DYM: variants seen among roughly 807,000 people sequenced by gnomAD.
DYM encodes dymeclin.
A neutral mutation model predicts 93.1 loss-of-function variants in DYM; 78 were observed. The observed-to-expected ratio is 0.84, with a 90% CI of 0.70 to 1.01. The LOEUF is 1.01. Among genes scored for constraint, DYM ranks in the 50% least tolerant of loss-of-function variants. The pLI is 0.00. For synonymous variants in DYM, 321 were observed against 319.7 expected (o/e 1.00, Z -0.04); for missense variants, 789 against 845.0 (o/e 0.93, Z 0.82).
chr18:49,074,335 G>C (rs1373165990), intron 17 of DYM, among the ~76,000 whole-genome samples: 1 of 152,156 alleles, frequency 6.6e-6, no homozygotes. Flanking sequence ...GTAATCTAGA[G>C]ATGATTTAAA....
Position 49,289,792 on chromosome 18 carries a change from CACAT to C in DYM, c.764-3180_764-3177del, listed in dbSNP as rs1329021840. 2.6e-3 allele frequency among the ~76,000 whole-genome samples: 168 copies of C among 64,810 alleles called. 2 individuals are homozygous for C. The highest frequency in any genetic ancestry group is 9.2e-3 in the African/African-American group (159 of 17,330). The allele number at this position is 64,810 out of a possible 152,430, so 42.5% of individuals were successfully genotyped here. The stretch of plus-strand genomic sequence containing the variant: ...ATATATACACATATATATATATACA[CACAT>C]ATATATATATATACACATATATATT... On this transcript the variant is annotated intron_variant, in intron 8 of 17. Coordinates refer to ENST00000675505, the MANE Select transcript of DYM (RefSeq NM_001353214.3).
chr18:49,125,347 G>C (rs1285716313), intron 15 of DYM, among the ~76,000 whole-genome samples: 1 of 152,102 alleles, frequency 6.6e-6, no homozygotes, highest in African/African-American at 2.4e-5. Context: ...TTATACCCAG[G>C]CGTGAAATTC....
At chr18:49,318,630 AAG>A (rs905503173) in intron 8 of DYM, among the ~76,000 whole-genome samples, 14 of 150,728 alleles carry the variant, frequency 9.3e-5, no homozygotes, top group Non-Finnish European at 7.4e-5. Flanking sequence ...CCCCACAAAA[AAG>A]AGAGAGAGAG....
intron 11 of DYM, among the ~76,000 whole-genome samples, chr18:49,269,012 AAGC>A (rs1178120155): frequency 6.6e-6 from 1 of 152,180 alleles, no homozygotes; most frequent in Non-Finnish European, 1.5e-5. Context: ...CAAAATGAAA[AAGC>A]AGCCTCTGAA....
chr18:49,131,547 C>G (rs1396777239), intron 15 of DYM, among the ~76,000 whole-genome samples: 1 of 152,092 alleles, frequency 6.6e-6, no homozygotes, highest in Non-Finnish European at 1.5e-5. Context: ...TATAAGAGCA[C>G]CACCCCTACT....
intron 2 of DYM, among the ~76,000 whole-genome samples, chr18:49,422,896 G>A (rs1398205837): frequency 7.2e-5 from 11 of 152,118 alleles, no homozygotes; most frequent in African/African-American, 2.7e-4. Context: ...GATTCATAAA[G>A]CAAGTCCTTA....
intron 13 of DYM, among the ~76,000 whole-genome samples, chr18:49,248,097 A>G (rs2094208589): frequency 6.6e-6 from 1 of 152,228 alleles, no homozygotes. Flanking sequence ...AGCTAATTCT[A>G]TCTTTTAAAA....
intron 6 of DYM, among the ~76,000 whole-genome samples, chr18:49,345,831 A>G (rs967161409): frequency 6.6e-6 from 1 of 152,236 alleles, no homozygotes; most frequent in South Asian, 2.1e-4. Flanking sequence ...ATTCTAACAC[A>G]GAAAGGGTTT....
chr18:49,460,258 G>A (rs910501829), intron 1 of DYM, 140 bp downstream of exon 1: 2 of 152,212 alleles, frequency 1.3e-5, no homozygotes, highest in East Asian at 3.9e-4. Context: ...CCGCGGGCAG[G>A]GAAGGGAGGG....
intron 6 of DYM, among the ~76,000 whole-genome samples, chr18:49,351,302 T>C (rs766688224): frequency 1.3e-5 from 2 of 151,354 alleles, no homozygotes; most frequent in Non-Finnish European, 2.9e-5. Flanking sequence ...ACCCGGGAGG[T>C]GGAGGTTGCA....
intron 17 of DYM, among the ~76,000 whole-genome samples, chr18:49,057,173 G>A (rs1461593589): frequency 1.3e-5 from 2 of 152,000 alleles, no homozygotes; most frequent in Non-Finnish European, 2.9e-5. Flanking sequence ...TTTTTTTTTG[G>A]TAATTTTCTT....
intron 8 of DYM, among the ~76,000 whole-genome samples, chr18:49,312,322 T>G (rs1177813042): frequency 6.6e-6 from 1 of 152,232 alleles, no homozygotes; most frequent in Admixed American, 6.5e-5. Context: ...CTTGTCTTCC[T>G]GTTTGGCGTG....
At chr18:49,045,009 C>T (rs148646932) in intron 17 of DYM, among the ~76,000 whole-genome samples, 1 of 152,370 alleles carries the variant, frequency 6.6e-6, no homozygotes, top group East Asian at 1.9e-4. Context: ...CTATTTATTC[C>T]AGCCAGGGCA....
chr18:49,310,144 G>A (rs918104436), intron 8 of DYM, among the ~76,000 whole-genome samples: 1 of 152,172 alleles, frequency 6.6e-6, no homozygotes. Context: ...CACGTCAAGT[G>A]ATTAAAAAGA....
At chr18:49,243,192 T>A (rs2094074647) in intron 13 of DYM, among the ~76,000 whole-genome samples, 1 of 152,124 alleles carries the variant, frequency 6.6e-6, no homozygotes, top group Admixed American at 6.6e-5. Context: ...GGGTCCCACT[T>A]TCATCACAGT....
chr18:49,251,942 A>G (rs1171821665), intron 13 of DYM, among the ~76,000 whole-genome samples: 8 of 152,060 alleles, frequency 5.3e-5, no homozygotes, highest in Non-Finnish European at 7.4e-5. Context: ...AGGCTTGCAC[A>G]GTGGCTCACA....
chr18:49,091,445 C>T (rs2079042656), intron 17 of DYM, among the ~76,000 whole-genome samples: 1 of 152,170 alleles, frequency 6.6e-6, no homozygotes, highest in Admixed American at 6.5e-5. Context: ...GAAGGACATG[C>T]AGGAATGAGG....
chr18:49,107,974 C>T (rs1035844460), intron 16 of DYM, among the ~76,000 whole-genome samples: 1 of 152,236 alleles, frequency 6.6e-6, no homozygotes, highest in African/African-American at 2.4e-5. Flanking sequence ...ATTCTGCTGC[C>T]TTTTGTTTGG....
At chr18:49,355,103 AAATTAAACAT>A (rs951679778) in intron 6 of DYM, among the ~76,000 whole-genome samples, 1 of 151,754 alleles carries the variant, frequency 6.6e-6, no homozygotes, top group Non-Finnish European at 1.5e-5. Context: ...ATTTCTTACA[AAATTAAACAT>A]ACTTTAACCA....
Sources: allele counts gnomAD v4.1 joint callset (sites outside exome capture counted in the v4.1 genomes callset), GRCh38; gene constraint gnomAD v4.1.1; transcripts MANE v1.5; gene names NCBI Gene and HGNC (gene_info 2026-07-23, HGNC 2026-07-21).